The following SUGP1 variants were observed in gnomAD, a reference collection of about 807,000 sequenced individuals.
SUGP1 encodes SURP and G-patch domain-containing protein 1.
Under a neutral mutation model 76.5 loss-of-function variants are expected in SUGP1, and 34 were observed. That is an observed-to-expected ratio of 0.44 (90% confidence interval 0.34 to 0.59). The LOEUF is 0.59. Ranked by LOEUF, SUGP1 falls within the 20% of genes least tolerant of loss-of-function variation. The pLI is 0.01. For missense variants in SUGP1, 752 were observed against 851.7 expected (o/e 0.88, Z 1.46); for synonymous variants, 326 against 326.2 (o/e 1.00, Z 0.01).
Position 19,297,311 on chromosome 19 carries a change from C to T in SUGP1, c.921G>A (p.Lys307=), listed in dbSNP as rs1223999387. The T allele has an allele frequency of 1.3e-6, 2 of 1,528,878 alleles. No homozygotes were observed. The highest frequency in any genetic ancestry group is 1.3e-5 in the South Asian group (1 of 79,416). The allele number at this position is 1,528,878 out of a possible 1,614,324, so 94.7% of individuals were successfully genotyped here. A position where few individuals can be genotyped will look rare whatever the true frequency, so the allele number is the denominator to read the frequency against. The part of the protein sequence containing the change: ...FLYEPNSQGY[K]YYRQKLEEFR... ...ACTCCTCCAGCTTCTGTCGGTAGTA[C>T]TTGTACCCTTGGCTATTGGGCTCAT... Residue 307 remains lysine, a synonymous_variant, in exon 8 of 14, where the codon AAG becomes AAA. Transcript: ENST00000247001.
intron 2 of SUGP1, among the ~76,000 whole-genome samples, chr19:19,312,510 A>G (rs1012748707): frequency 3.9e-5 from 6 of 152,192 alleles, no homozygotes; most frequent in African/African-American, 1.4e-4. Flanking sequence ...AAGCTCATGG[A>G]GTCCACAGGG....
chr19:19,303,869 T>G (rs759181888), intron 4 of SUGP1, 22 bp from the exon 5 acceptor site: 4 of 1,613,436 alleles, frequency 2.5e-6, no homozygotes, highest in African/African-American at 1.3e-5. Flanking sequence ...CTGTCAGTAC[T>G]GGGGTTCAAC....
Position 19,305,947 on chromosome 19 carries a change from G to C in SUGP1, c.440C>G (p.Ser147Cys), listed in dbSNP as rs200094872. The C allele has an allele frequency of 1.2e-6, 2 of 1,613,214 alleles. No homozygotes were observed. Among genetic ancestry groups the C allele is most frequent in the Admixed American group, 3.3e-5 (2 of 60,014 alleles). ...CGCCACGGGCAGCTGCTTGGCGTGGGAGTAGCTCTTCACAGGGCCCGGCAG... is the reference window on the plus strand; with the variant it reads ...CGCCACGGGCAGCTGCTTGGCGTGGCAGTAGCTCTTCACAGGGCCCGGCAG... ...ASLPGPVKSY[S>C]HAKQLPVAHR... The change falls in exon 4 of 14, where the codon TCC (serine) becomes TGC (cysteine). Residue 147 changes from serine (S) to cysteine (C), a missense_variant. Coordinates refer to ENST00000247001, the MANE Select transcript of SUGP1 (RefSeq NM_172231.4).
chr19:19,302,106 G>T, intron 7 of SUGP1, 159 bp downstream of exon 7: 3 of 1,160,564 alleles, frequency 2.6e-6, no homozygotes, highest in Non-Finnish European at 3.7e-6. Flanking sequence ...CATGCCTGTG[G>T]GGAGGCAGAG....
intron 9 of SUGP1, among the ~76,000 whole-genome samples, chr19:19,279,619 AG>A (rs1028720417): frequency 6.6e-6 from 1 of 152,182 alleles, no homozygotes; most frequent in Non-Finnish European, 1.5e-5. Context: ...AGGGTGACTC[AG>A]GGTCCTGACC....
chr19:19,280,482 C>T (rs2061089848), intron 8 of SUGP1, 191 bp from the exon 9 acceptor site: 5 of 585,376 alleles, frequency 8.5e-6, no homozygotes, highest in South Asian at 4.0e-5. Flanking sequence ...CGTGCACCCC[C>T]GCATCTTACG....
chr19:19,296,291 C>T (rs2061224715), intron 8 of SUGP1, among the ~76,000 whole-genome samples: 1 of 152,128 alleles, frequency 6.6e-6, no homozygotes, highest in African/African-American at 2.4e-5. Context: ...CGTGGTGGCT[C>T]ATACCTGTAA....
intron 2 of SUGP1, among the ~76,000 whole-genome samples, chr19:19,314,269 G>C (rs2146629481): frequency 6.6e-6 from 1 of 152,204 alleles, no homozygotes; most frequent in East Asian, 1.9e-4. Context: ...GTTGTAGTGA[G>C]CCGAGATGGC....
rs192758767 is a variant in SUGP1 at position 19,316,176 on chromosome 19, C to T, written c.206+246G>A. On this transcript the variant is annotated intron_variant, in intron 2 of 13. Transcript: ENST00000247001. The stretch of plus-strand genomic sequence containing the variant: ...CTCTGTTATACCCCTTCCCTCTGCA[C>T]CACAGCTGGCTGGCAGTAAATAACT... 7.9e-5 allele frequency: 42 copies of T among 531,054 alleles called. 1 individual carries two copies. The East Asian group carries it at 1.3e-3, about 16-fold the overall frequency. The allele number at this position is 531,054 out of a possible 1,614,324, so 32.9% of individuals were successfully genotyped here. A position where few individuals can be genotyped will look rare whatever the true frequency, so the allele number is the denominator to read the frequency against.
intron 8 of SUGP1, among the ~76,000 whole-genome samples, chr19:19,287,275 CAT>C (rs1214328207): frequency 1.3e-5 from 2 of 151,522 alleles, no homozygotes; most frequent in East Asian, 2.0e-4. Context: ...TGTCTCAAAA[CAT>C]AGGTGAGGCG....
At chr19:19,282,872 T>TCGAGATCATCCTGGCTAACA (rs2061109465) in intron 8 of SUGP1, among the ~76,000 whole-genome samples, 1 of 152,074 alleles carries the variant, frequency 6.6e-6, no homozygotes, top group East Asian at 1.9e-4. Context: ...GGTCAGAAGA[T>TCGAGATCATCCTGGCTAACA]CGAGACCATC....
chr19:19,305,887 T>C lies in SUGP1; in HGVS notation c.500A>G (p.Asp167Gly). ...CCACTGCTCATAGTCCTCCTCCTCG[T>C]CCTCGTCAGGGGACTGGAAGACACT... ...RPSVFQSPDE[D>G]EEEDYEQWLE... Residue 167 changes from aspartate to glycine, a missense_variant, in exon 4 of 14, where the codon GAC (aspartate) becomes GGC (glycine). Physicochemically the swap from Asp to Gly is moderately conservative, Grantham distance 94. Coordinates refer to ENST00000247001, the MANE Select transcript of SUGP1 (RefSeq NM_172231.4). The C allele has an allele frequency of 6.2e-7, 1 of 1,613,120 alleles. No individual in the cohort carries two copies. Among genetic ancestry groups the C allele is most frequent in the Non-Finnish European group, 8.5e-7 (1 of 1,179,508 alleles).
chr19:19,304,922 G>A (rs942639677), intron 4 of SUGP1, among the ~76,000 whole-genome samples: 1 of 152,128 alleles, frequency 6.6e-6, no homozygotes, highest in African/African-American at 2.4e-5. Context: ...ATCCTGACCT[G>A]GTTGCTGTTT....
intron 8 of SUGP1, among the ~76,000 whole-genome samples, 182 bp downstream of exon 8, chr19:19,296,807 T>C (rs1381109450): frequency 6.6e-6 from 1 of 152,306 alleles, no homozygotes; most frequent in Non-Finnish European, 1.5e-5. Context: ...TCTGTGAATA[T>C]AAGAGTTCAT....
rs1439531458 is a variant in SUGP1, at chr19:19,278,022, C to G, written c.1636-143G>C. 3.5e-5 allele frequency: 35 copies of G among 1,013,728 alleles called. No homozygotes were observed. In the South Asian group the frequency reaches 5.8e-4, roughly 17 times the overall value. 62.8% of individuals were successfully genotyped at this position (1,013,728 alleles called of 1,614,324 possible). A position where few individuals can be genotyped will look rare whatever the true frequency, so the allele number is the denominator to read the frequency against. On this transcript the variant is annotated intron_variant, in intron 11 of 13. Coordinates refer to ENST00000247001, the MANE Select transcript of SUGP1 (RefSeq NM_172231.4). ...CTCACCAGATCAGACTCCTTGAGAA[C>G]AAACAGACCAAGCTCCTCCTGCTTC...
chr19:19,305,888 C>T lies in SUGP1; in HGVS notation c.499G>A (p.Asp167Asn). 1 of 1,613,178 alleles carries T rather than the reference C, an allele frequency of 6.2e-7. No individual in the cohort carries two copies. The highest frequency in any genetic ancestry group is 8.5e-7 in the Non-Finnish European group (1 of 1,179,514). The change falls in exon 4 of 14, where the codon GAC becomes AAC. Residue 167 changes from aspartate to asparagine, a missense_variant. Physicochemically the swap from Asp to Asn is conservative, Grantham distance 23. This residue lies in a region of SUGP1 where 620 missense variants were observed against 617.3 expected (regional missense o/e 1.00). Transcript: ENST00000247001. ...RPSVFQSPDE[D>N]EEEDYEQWLE... The stretch of plus-strand genomic sequence containing the variant: ...CACTGCTCATAGTCCTCCTCCTCGT[C>T]CTCGTCAGGGGACTGGAAGACACTC...
rs781257871 is a variant in SUGP1 at position 19,317,808 on chromosome 19, C to CTTT, written c.35-1218_35-1216dup. ...GGCATGAGGCACCGTGCCCCAGTGG[C>CTTT]TTTTTTTTTTTTTTTTTTTTGAGGC... On this transcript the variant is annotated intron_variant, in intron 1 of 13. Coordinates refer to ENST00000247001, the MANE Select transcript of SUGP1 (RefSeq NM_172231.4). Among the ~76,000 whole-genome samples the CTTT allele has an allele frequency of 1.4e-3, 150 of 110,590 alleles. 1 individual carries two copies. The highest frequency in any genetic ancestry group is 6.5e-3 in the East Asian group (23 of 3,512). 72.6% of individuals were successfully genotyped at this position (110,590 alleles called of 152,430 possible).
intron 8 of SUGP1, chr19:19,281,521 AC>A (rs2146592652): frequency 6.6e-6 from 1 of 152,250 alleles, no homozygotes; most frequent in African/African-American, 2.4e-5. Context: ...CCAGGGAGGC[AC>A]CGAGAAAGCA....
Position 19,276,562 on chromosome 19 carries a change from C to G in SUGP1, c.*86G>C. 6.5e-7 allele frequency: 1 copy of G among 1,547,332 alleles called. No homozygotes were observed. Among genetic ancestry groups the G allele is most frequent in the Admixed American group, 1.7e-5 (1 of 59,446 alleles). Reference sequence around the variant, plus strand: ...TTACACGGCACGGCACTCGTGACAACGGAAGGGGTGGGCAGAAATGCAGGC... The same window carrying G: ...TTACACGGCACGGCACTCGTGACAAGGGAAGGGGTGGGCAGAAATGCAGGC... On this transcript the variant is annotated 3_prime_UTR_variant, in exon 14 of 14. Transcript: ENST00000247001.
Sources: allele counts gnomAD v4.1 joint callset (sites outside exome capture counted in the v4.1 genomes callset), GRCh38; gene constraint gnomAD v4.1.1; regional missense constraint gnomAD v4.1.1; transcripts MANE v1.5; gene names NCBI Gene and HGNC (gene_info 2026-07-23, HGNC 2026-07-21).